The following GARNL3 variants were observed in gnomAD, a reference collection of about 807,000 sequenced individuals.
GARNL3 encodes the protein GTPase activating Rap/RanGAP domain like 3.
Under a neutral mutation model 125.0 loss-of-function variants are expected in GARNL3, and 63 were observed. That is an observed-to-expected ratio of 0.50 (90% confidence interval 0.41 to 0.62). The LOEUF (loss-of-function observed/expected upper bound fraction) is 0.62. GARNL3 is among the 20% of genes least tolerant of loss of function. The pLI, the probability that GARNL3 is intolerant of heterozygous loss-of-function variation, is 0.00. For missense variants in GARNL3, 994 were observed against 1,244.0 expected, an observed-to-expected ratio of 0.80 and a Z score of 3.02; for synonymous variants, 439 against 457.5, an observed-to-expected ratio of 0.96 and a Z score of 0.52.
At chr9:127,241,985 G>A (rs764282756) in intron 1 of GARNL3, among the ~76,000 whole-genome samples, 15 of 151,418 alleles carry the variant, frequency 9.9e-5, no homozygotes, top group Non-Finnish European at 1.9e-4. Context: ...TTTTTAATAT[G>A]CCTGCAGCCT....
intron 1 of GARNL3, among the ~76,000 whole-genome samples, chr9:127,290,162 G>C (rs749711088): frequency 5.9e-5 from 9 of 152,158 alleles, no homozygotes; most frequent in Non-Finnish European, 1.2e-4. Context: ...CATATTAAGA[G>C]CAAAAGAATG....
chr9:127,317,983 T>C, intron 4 of GARNL3, 80 bp from the exon 5 acceptor site: 1 of 846,934 alleles, frequency 1.2e-6, no homozygotes, highest in Admixed American at 1.7e-5. Context: ...GGCATGGCTT[T>C]CTTTTGAATG....
At chr9:127,229,725 G>T (rs2062969636) in intron 1 of GARNL3, among the ~76,000 whole-genome samples, 1 of 152,142 alleles carries the variant, frequency 6.6e-6, no homozygotes, top group Non-Finnish European at 1.5e-5. Context: ...TCGAAATCCT[G>T]GCCTCAAGCT....
intron 21 of GARNL3, among the ~76,000 whole-genome samples, chr9:127,361,313 C>T (rs929597725): frequency 6.6e-6 from 1 of 152,032 alleles, no homozygotes; most frequent in Non-Finnish European, 1.5e-5. Flanking sequence ...AGCTCTGTCC[C>T]AGGCTGGAGT....
chr9:127,258,651 GA>G (rs1441932800), intron 2 of GARNL3, among the ~76,000 whole-genome samples: 1 of 152,114 alleles, frequency 6.6e-6, no homozygotes, highest in Admixed American at 6.5e-5. Context: ...AAGAAAAAAA[GA>G]AAAGAAATTA....
chr9:127,260,317 A>G (rs1330029999), upstream of GARNL3, among the ~76,000 whole-genome samples: 4 of 152,216 alleles, frequency 2.6e-5, no homozygotes, highest in Non-Finnish European at 5.9e-5. Flanking sequence ...TTGTTTGTGG[A>G]CCGCCTGCAT....
At chr9:127,360,860 A>G (rs1359873599) in intron 21 of GARNL3, among the ~76,000 whole-genome samples, 1 of 152,206 alleles carries the variant, frequency 6.6e-6, no homozygotes, top group African/African-American at 2.4e-5. Context: ...TCAAGAGAGG[A>G]AATGTTTAAG....
chr9:127,271,664 A>G (rs2063827488), intron 1 of GARNL3, among the ~76,000 whole-genome samples: 1 of 150,122 alleles, frequency 6.7e-6, no homozygotes, highest in South Asian at 2.1e-4. Context: ...GCTTTTATTG[A>G]TCTTTTTTTG....
intron 6 of GARNL3, among the ~76,000 whole-genome samples, chr9:127,323,455 C>T (rs1302320913): frequency 1.3e-5 from 2 of 152,160 alleles, no homozygotes; most frequent in African/African-American, 2.4e-5. Flanking sequence ...TGAGCTCAGC[C>T]GGGACTCCTG....
At chr9:127,383,622 CAAAT>C in intron 23 of GARNL3, 77 bp downstream of exon 23, 3 of 892,068 alleles carry the variant, frequency 3.4e-6, no homozygotes, top group Non-Finnish European at 5.3e-6. Flanking sequence ...CCTATGTAAG[CAAAT>C]CACTGGCTTA....
At chr9:127,310,849 AC>A (rs1263870044) in intron 2 of GARNL3, among the ~76,000 whole-genome samples, 2 of 152,020 alleles carry the variant, frequency 1.3e-5, no homozygotes, top group East Asian at 3.8e-4. Context: ...GGAAGATGGT[AC>A]CCTCAGCCAT....
intron 15 of GARNL3, 50 bp downstream of exon 15, chr9:127,344,389 C>A: frequency 8.1e-7 from 1 of 1,238,952 alleles, no homozygotes; most frequent in South Asian, 1.2e-5. Context: ...TTTTGAGTTC[C>A]ATCCTAACCA....
chr9:127,250,078 G>A (rs534877430), intron 2 of GARNL3, among the ~76,000 whole-genome samples: 1 of 152,168 alleles, frequency 6.6e-6, no homozygotes, highest in East Asian at 1.9e-4. Context: ...TAAATGAAAA[G>A]AACAAGGAGT....
At chr9:127,341,177 A>C (rs1298269435) in intron 13 of GARNL3, among the ~76,000 whole-genome samples, 1 of 152,214 alleles carries the variant, frequency 6.6e-6, no homozygotes, top group African/African-American at 2.4e-5. Context: ...GACACATTAG[A>C]GGCAGCAGAC....
At chr9:127,251,811 A>G (rs1005111706) in intron 2 of GARNL3, among the ~76,000 whole-genome samples, 1 of 152,208 alleles carries the variant, frequency 6.6e-6, no homozygotes, top group African/African-American at 2.4e-5. Flanking sequence ...CAGTTGAAAA[A>G]AAGCAGACAC....
chr9:127,258,355 G>T (rs868291281), intron 2 of GARNL3, among the ~76,000 whole-genome samples: 1 of 152,166 alleles, frequency 6.6e-6, no homozygotes, highest in South Asian at 2.1e-4. Context: ...AGAAGTTAAT[G>T]TGGGCCAGGT....
chr9:127,227,350 C>T (rs2062930888), intron 1 of GARNL3, among the ~76,000 whole-genome samples: 1 of 152,132 alleles, frequency 6.6e-6, no homozygotes, highest in African/African-American at 2.4e-5. Context: ...CCTGTAATCC[C>T]AGTACTTTGG....
intron 5 of GARNL3, among the ~76,000 whole-genome samples, chr9:127,320,392 T>C (rs530755850): frequency 1.3e-5 from 2 of 152,338 alleles, no homozygotes; most frequent in East Asian, 1.9e-4. Context: ...TTTTGCCCTA[T>C]GTGGCATAGA....
At chr9:127,388,315 CAAAA>C (rs11336441) in intron 25 of GARNL3, 11 of 124,996 alleles carry the variant, frequency 8.8e-5, no homozygotes, top group South Asian at 2.6e-4. Context: ...GACCTTGTCT[CAAAA>C]AAAAAAAAAA....
Sources: allele counts gnomAD v4.1 joint callset (sites outside exome capture counted in the v4.1 genomes callset), GRCh38; gene constraint gnomAD v4.1.1; transcripts MANE v1.5; gene names NCBI Gene and HGNC (gene_info 2026-07-23, HGNC 2026-07-21).